Variants in FAM120C observed in about 807,000 individuals in gnomAD.
FAM120C encodes constitutive coactivator of PPAR-gamma-like protein 2.
Under a neutral mutation model 71.2 loss-of-function variants are expected in FAM120C, and 14 were observed. That is an observed-to-expected ratio of 0.20 (90% CI 0.13 to 0.31). The LOEUF is 0.31. Ranked by LOEUF, FAM120C falls within the 10% of genes least tolerant of loss-of-function variation. The pLI, the probability that FAM120C is intolerant of heterozygous loss-of-function variation, is 1.00. For synonymous variants in FAM120C, 354 were observed against 353.2 expected (o/e 1.00, Z -0.03); for missense variants, 500 against 879.0 (o/e 0.57, Z 5.45).
intron 9 of FAM120C, among the ~76,000 whole-genome samples, chrX:54,117,415 A>AACATAACATAACATAACATAAC (rs2066976891): frequency 1.0e-5 from 1 of 97,307 alleles, no homozygotes; most frequent in African/African-American, 3.6e-5. Flanking sequence ...AAAATAAAAT[A>AACATAACATAACATAACATAAC]AGGCCAGGCG....
chrX:54,129,308 C>A (rs1430228708), intron 9 of FAM120C, among the ~76,000 whole-genome samples: 2 of 103,485 alleles, frequency 1.9e-5, no homozygotes, highest in Non-Finnish European at 2.0e-5. Context: ...CTCAGACGGG[C>A]GGCCGGGCAG....
intron 10 of FAM120C, among the ~76,000 whole-genome samples, chrX:54,098,455 C>T (rs1411438221): frequency 3.6e-5 from 4 of 111,487 alleles, no homozygotes; most frequent in African/African-American, 1.3e-4. Context: ...ATATCCTTTT[C>T]AACACTTGCT....
chrX:54,089,851 C>T (rs1378874960), intron 11 of FAM120C, among the ~76,000 whole-genome samples: 2 of 109,174 alleles, frequency 1.8e-5, no homozygotes, highest in Admixed American at 2.0e-4. Context: ...CCCAGCTAGT[C>T]GGGAGGCTGA....
chrX:54,084,785 C>T (rs1166995390), intron 13 of FAM120C, among the ~76,000 whole-genome samples: 2 of 111,067 alleles, frequency 1.8e-5, no homozygotes, highest in Non-Finnish European at 3.8e-5. Context: ...AGTATCTGAG[C>T]AACCTAGGCA....
chrX:54,090,594 G>A (rs1214059454), intron 11 of FAM120C, among the ~76,000 whole-genome samples: 2 of 110,792 alleles, frequency 1.8e-5, no homozygotes, highest in Admixed American at 2.0e-4. Flanking sequence ...CTTCTATCAT[G>A]AGTAGAAGCT....
chrX:54,163,995 C>T (rs1486688043), intron 1 of FAM120C, among the ~76,000 whole-genome samples: 4 of 108,153 alleles, frequency 3.7e-5, no homozygotes, highest in South Asian at 4.0e-4. Flanking sequence ...TGCAGTGGCG[C>T]GATCTCGGCT....
In FAM120C at chrX:54,129,950, A is replaced by T. The variant is rs187846407; in HGVS notation, c.2062+2742T>A. ...CAGGAGAATCAGGCAGGGAGGTTGC[A>T]GTGAGCCGAGATGGCAACAGTACAG... On this transcript the variant is annotated intron_variant, in intron 9 of 15. Transcript: ENST00000375180. 2.1e-3 allele frequency among the ~76,000 whole-genome samples: 226 copies of T among 108,448 alleles called. 2 individuals carry two copies. In the Middle Eastern group the frequency reaches 0.051, roughly 25 times the overall value. The allele number at this position is 108,448 out of a possible 115,157, so 94.2% of individuals were successfully genotyped here.
chrX:54,071,734 A>C lies in FAM120C; in HGVS notation c.*1299T>G, dbSNP rs2066709709. On this transcript the variant is annotated 3_prime_UTR_variant, in exon 16 of 16. Transcript: ENST00000375180. ...TTCAAGATTAAGCTTGTAACAACCC[A>C]AGAGTTTATTGTTCTGAACAGGCAA... 3 of 111,663 alleles carry C rather than the reference A, an allele frequency of 2.7e-5. No individual in the cohort carries two copies. The allele number at this position is 111,663 out of a possible 1,213,427, so 9.2% of individuals were successfully genotyped here. A position where few individuals can be genotyped will look rare whatever the true frequency, so the allele number is the denominator to read the frequency against.
chrX:54,159,762 T>C (rs1400701115), intron 1 of FAM120C, 146 bp from the exon 2 acceptor site: 17 of 110,127 alleles, frequency 1.5e-4, no homozygotes, highest in Middle Eastern at 4.3e-3. Context: ...CATTTTTTAC[T>C]TTTTTTTTTT....
intron 9 of FAM120C, among the ~76,000 whole-genome samples, chrX:54,130,565 A>G (rs182582516): frequency 2.5e-4 from 28 of 110,178 alleles, no homozygotes; most frequent in Non-Finnish European, 1.9e-4. Context: ...TGACCCCACT[A>G]TGGTGGGTGA....
rs781918149 is a variant in FAM120C at position 54,157,726 on chromosome X, C to T, written c.992G>A (p.Ser331Asn). 1.5e-5 allele frequency: 18 copies of T among 1,209,639 alleles called. No individual in the cohort carries two copies. The highest frequency in any genetic ancestry group is 2.0e-5 in the Non-Finnish European group (18 of 893,989). The change falls in exon 3 of 16, where the codon AGC becomes AAC. Residue 331 changes from serine (S) to asparagine (N), a missense_variant. This residue lies in a region of FAM120C where 55 missense variants were observed against 96.7 expected (regional missense o/e 0.57). Transcript: ENST00000375180. ...AAGAGGATGTTCTGGTCCCAAGAGGCTCCAGTGAAAAGCAGCCAGGTCCTC... is the reference window on the plus strand; with the variant it reads ...AAGAGGATGTTCTGGTCCCAAGAGGTTCCAGTGAAAAGCAGCCAGGTCCTC... The part of the protein sequence containing the change: ...PDEDLAAFHW[S>N]LLGPEHPLAS...
intron 10 of FAM120C, among the ~76,000 whole-genome samples, chrX:54,097,141 T>C (rs782470392): frequency 8.0e-5 from 9 of 112,227 alleles, no homozygotes; most frequent in Non-Finnish European, 1.7e-4. Context: ...AAACAATTCA[T>C]GGCTTGTCAA....
At chrX:54,125,352 G>A (rs1603357670) in intron 9 of FAM120C, among the ~76,000 whole-genome samples, 1 of 111,024 alleles carries the variant, frequency 9.0e-6, no homozygotes, top group East Asian at 2.8e-4. Flanking sequence ...AGACTACAGT[G>A]CAGTGGAGTG....
At chrX:54,182,463 G>A (rs1557137507) in intron 1 of FAM120C, 37 bp downstream of exon 1, 20 of 1,170,815 alleles carry the variant, frequency 1.7e-5, no homozygotes, top group Non-Finnish European at 2.2e-5. Context: ...GGGAATAGGT[G>A]TGGGGCTTAT....
At chrX:54,109,510 G>T (rs1295661052) in intron 10 of FAM120C, among the ~76,000 whole-genome samples, 1 of 109,039 alleles carries the variant, frequency 9.2e-6, no homozygotes, top group Non-Finnish European at 1.9e-5. Flanking sequence ...AGCTACTTGG[G>T]AGGCCGAGGT....
intron 15 of FAM120C, among the ~76,000 whole-genome samples, chrX:54,076,141 C>A (rs909028614): frequency 2.7e-5 from 3 of 109,492 alleles, no homozygotes; most frequent in Non-Finnish European, 3.8e-5. Flanking sequence ...GAGTTCAAAA[C>A]CAGCCAGGCC....
At chrX:54,165,446 A>G (rs1210956367) in intron 1 of FAM120C, among the ~76,000 whole-genome samples, 3 of 111,569 alleles carry the variant, frequency 2.7e-5, no homozygotes, top group Non-Finnish European at 3.8e-5. Flanking sequence ...GAGGAGAAAA[A>G]CATGGATCCA....
intron 10 of FAM120C, among the ~76,000 whole-genome samples, chrX:54,112,415 C>A (rs1387092768): frequency 9.5e-6 from 1 of 105,382 alleles, no homozygotes; most frequent in Non-Finnish European, 2.0e-5. Context: ...AGACCCCACT[C>A]AAAAAAAAGG....
chrX:54,133,809 A>T lies in FAM120C; in HGVS notation c.1854T>A (p.Gly618=), dbSNP rs200538724. The part of the protein sequence containing the change: ...LRVAEHRHRR[G]LMYPYIYHVL... ...CATGGTAGATATATGGGTACATAAG[A>T]CCCCTCCGGTGTCTGTGTTCAGCAA... The change falls in exon 8 of 16, where the codon GGT becomes GGA. Residue 618 remains glycine, a synonymous_variant. Coordinates refer to ENST00000375180, the MANE Select transcript of FAM120C (RefSeq NM_017848.6). 2.3e-5 allele frequency: 28 copies of T among 1,208,990 alleles called. No individual in the cohort carries two copies. Among genetic ancestry groups the T allele is most frequent in the Non-Finnish European group, 3.0e-5 (27 of 894,804 alleles).
Sources: allele counts gnomAD v4.1 joint callset (sites outside exome capture counted in the v4.1 genomes callset), GRCh38; gene constraint gnomAD v4.1.1; regional missense constraint gnomAD v4.1.1; transcripts MANE v1.5; gene names NCBI Gene and HGNC (gene_info 2026-07-23, HGNC 2026-07-21).